SORCS1: variants seen among roughly 807,000 people sequenced by gnomAD.
The protein encoded by SORCS1 is VPS10 domain-containing receptor SorCS1.
In SORCS1, 60 loss-of-function variants were observed where a neutral mutation model predicts 146.1. The ratio of observed to expected loss-of-function variants is 0.41; its 90% CI spans 0.33 to 0.51. The LOEUF (loss-of-function observed/expected upper bound fraction) is 0.51. SORCS1 is among the 20% of genes least tolerant of loss of function. The pLI is 0.21. For missense variants in SORCS1, 1,352 were observed against 1,487.6 expected (o/e 0.91, Z 1.50); for synonymous variants, 637 against 584.0 (o/e 1.09, Z -1.31).
chr10:106,675,437 T>A (rs762843137), intron 13 of SORCS1, among the ~76,000 whole-genome samples: 3 of 152,200 alleles, frequency 2.0e-5, no homozygotes, highest in Non-Finnish European at 4.4e-5. Context: ...AAAGTTTGGA[T>A]ATTTTATTAT....
intron 6 of SORCS1, among the ~76,000 whole-genome samples, chr10:106,715,310 T>A (rs535291993): frequency 6.6e-6 from 1 of 152,254 alleles, no homozygotes; most frequent in African/African-American, 2.4e-5. Context: ...GATGTTTTCC[T>A]TGCCATAGGT....
intron 2 of SORCS1, among the ~76,000 whole-genome samples, chr10:106,876,862 A>T (rs1263448419): frequency 6.6e-6 from 1 of 151,416 alleles, no homozygotes; most frequent in African/African-American, 2.4e-5. Context: ...TACTACCAAC[A>T]TGAATAGCCA....
intron 1 of SORCS1, among the ~76,000 whole-genome samples, chr10:107,089,922 G>C (rs1964059249): frequency 6.6e-6 from 1 of 152,088 alleles, no homozygotes; most frequent in Non-Finnish European, 1.5e-5. Flanking sequence ...TTTTTAAAAG[G>C]GCTCTCAGAT....
chr10:106,921,878 G>A (rs1051770891), intron 2 of SORCS1, among the ~76,000 whole-genome samples: 1 of 152,170 alleles, frequency 6.6e-6, no homozygotes, highest in African/African-American at 2.4e-5. Context: ...TTCCAGAAAA[G>A]CCCTCTCTAG....
At chr10:106,784,237 T>C (rs982786359) in intron 3 of SORCS1, among the ~76,000 whole-genome samples, 1 of 151,890 alleles carries the variant, frequency 6.6e-6, no homozygotes, top group Admixed American at 6.6e-5. Context: ...CTACTAAAAA[T>C]ACAAAAAGTT....
chr10:106,991,425 C>T (rs780551063), intron 1 of SORCS1, among the ~76,000 whole-genome samples: 6 of 152,178 alleles, frequency 3.9e-5, no homozygotes, highest in South Asian at 2.1e-4. Flanking sequence ...TTGGATTTAA[C>T]TGGTGAGCTG....
At chr10:106,754,161 T>A (rs1246096468) in intron 5 of SORCS1, among the ~76,000 whole-genome samples, 1 of 152,212 alleles carries the variant, frequency 6.6e-6, no homozygotes, top group East Asian at 1.9e-4. Flanking sequence ...GAGGTCTATC[T>A]ATGGGCATTT....
intron 1 of SORCS1, among the ~76,000 whole-genome samples, chr10:107,043,189 C>T (rs1442673968): frequency 6.6e-6 from 1 of 152,164 alleles, no homozygotes; most frequent in Non-Finnish European, 1.5e-5. Flanking sequence ...AGACCTCTCT[C>T]TGGATCCTCA....
At chr10:106,991,423 A>C (rs1300339302) in intron 1 of SORCS1, among the ~76,000 whole-genome samples, 1 of 152,236 alleles carries the variant, frequency 6.6e-6, no homozygotes, top group Non-Finnish European at 1.5e-5. Flanking sequence ...AGTTGGATTT[A>C]ACTGGTGAGC....
At chr10:107,048,084 C>T (rs1218209065) in intron 1 of SORCS1, among the ~76,000 whole-genome samples, 1 of 152,018 alleles carries the variant, frequency 6.6e-6, no homozygotes. Flanking sequence ...ACCAAGTCTC[C>T]AACAACAACA....
At chr10:106,809,737 T>C (rs1365259111) in intron 3 of SORCS1, among the ~76,000 whole-genome samples, 1 of 152,236 alleles carries the variant, frequency 6.6e-6, no homozygotes, top group African/African-American at 2.4e-5. Flanking sequence ...TGGCTCTCTA[T>C]TAAAGTGAAA....
chr10:106,952,830 A>T (rs965679578), intron 2 of SORCS1, among the ~76,000 whole-genome samples: 4 of 151,260 alleles, frequency 2.6e-5, no homozygotes, highest in Non-Finnish European at 4.4e-5. Flanking sequence ...ATAATAATAA[A>T]AAATTAGCCT....
intron 20 of SORCS1, among the ~76,000 whole-genome samples, chr10:106,618,826 C>T (rs1026057523): frequency 1.3e-5 from 2 of 152,060 alleles, no homozygotes; most frequent in African/African-American, 2.4e-5. Flanking sequence ...CAGCAGTTTC[C>T]TGGAAGTAGC....
chr10:106,929,215 A>T (rs1339562510), intron 2 of SORCS1, among the ~76,000 whole-genome samples: 1 of 151,320 alleles, frequency 6.6e-6, no homozygotes, highest in Non-Finnish European at 1.5e-5. Context: ...GAAGAGAATG[A>T]ATTTTTCCCC....
chr10:106,590,069 A>T (rs749230474), intron 24 of SORCS1, among the ~76,000 whole-genome samples: 1 of 152,172 alleles, frequency 6.6e-6, no homozygotes, highest in African/African-American at 2.4e-5. Context: ...TATACTAATT[A>T]TGAATATTTG....
At chr10:106,968,143 G>C (rs1036290221) in intron 1 of SORCS1, among the ~76,000 whole-genome samples, 1 of 152,108 alleles carries the variant, frequency 6.6e-6, no homozygotes, top group East Asian at 1.9e-4. Context: ...CCAGGAGGCG[G>C]AGCTTGCAGT....
chr10:106,844,210 T>C (rs1274698752), intron 2 of SORCS1, among the ~76,000 whole-genome samples: 1 of 152,240 alleles, frequency 6.6e-6, no homozygotes, highest in Non-Finnish European at 1.5e-5. Context: ...ATTCGTGTTC[T>C]TTGCCCATTT....
upstream of SORCS1, among the ~76,000 whole-genome samples, chr10:107,166,566 C>T (rs1326184227): frequency 6.6e-6 from 1 of 152,228 alleles, no homozygotes; most frequent in East Asian, 1.9e-4. Flanking sequence ...CAGGCTATGG[C>T]CTCTAGATGG....
intron 1 of SORCS1, among the ~76,000 whole-genome samples, chr10:107,046,821 T>C (rs539403209): frequency 6.6e-6 from 1 of 152,248 alleles, no homozygotes; most frequent in Admixed American, 6.5e-5. Flanking sequence ...CCCAAAACAC[T>C]GGGTCTACCA....
Sources: gnomAD v4.1 joint callset for allele counts (sites outside exome capture counted in the v4.1 genomes callset) on GRCh38, gnomAD v4.1.1 for gene constraint, MANE v1.5 for transcripts, NCBI Gene and HGNC (gene_info 2026-07-23, HGNC 2026-07-21) for gene names.